Variants in NREP observed in about 807,000 individuals in gnomAD.
NREP encodes the protein neuronal regeneration-related protein.
A neutral mutation model predicts 8.6 loss-of-function variants in NREP; 5 were observed. The observed-to-expected ratio is 0.58, with a 90% CI of 0.30 to 1.22. The LOEUF is 1.22. Ranked by LOEUF, NREP falls within the 50% of genes most tolerant of loss-of-function variation. The pLI, the probability that NREP is intolerant of heterozygous loss-of-function variation, is 0.07. For synonymous variants in NREP, 27 were observed against 28.0 expected (o/e 0.96, Z 0.11); for missense variants, 86 against 82.5 (o/e 1.04, Z -0.17).
At chr5:111,864,499 T>C (rs1399179257) in intron 2 of NREP, among the ~76,000 whole-genome samples, 1 of 152,114 alleles carries the variant, frequency 6.6e-6, no homozygotes, top group Non-Finnish European at 1.5e-5. Flanking sequence ...TTTTTGTATA[T>C]AATGGAAAGA....
chr5:111,913,845 C>T (rs1754980339), intron 2 of NREP, among the ~76,000 whole-genome samples: 1 of 151,976 alleles, frequency 6.6e-6, no homozygotes, highest in Admixed American at 6.6e-5. Context: ...AGAATTCCAC[C>T]CTGAAATAAC....
chr5:111,975,373 T>A, exon 2 of NREP: 1 of 1,551,376 alleles, frequency 6.4e-7, no homozygotes. Flanking sequence ...CATCTTCTCT[T>A]CGGCTCTGCA....
chr5:111,926,621 C>T (rs540505384), intron 2 of NREP, among the ~76,000 whole-genome samples: 1 of 152,112 alleles, frequency 6.6e-6, no homozygotes, highest in African/African-American at 2.4e-5. Flanking sequence ...ACTTTTTCTT[C>T]AGAGTCTTGG....
intron 2 of NREP, among the ~76,000 whole-genome samples, chr5:111,888,812 T>C (rs1047865842): frequency 1.3e-5 from 2 of 152,208 alleles, no homozygotes; most frequent in African/African-American, 4.8e-5. Flanking sequence ...AAATGCTGGA[T>C]TAAACCCTCA....
At chr5:111,966,809 T>C (rs538503398) in intron 2 of NREP, among the ~76,000 whole-genome samples, 1 of 152,346 alleles carries the variant, frequency 6.6e-6, no homozygotes, top group African/African-American at 2.4e-5. Flanking sequence ...TCTTTCTCCA[T>C]TTTTCCAATC....
At chr5:111,742,819 G>A (rs559477067) in intron 2 of NREP, among the ~76,000 whole-genome samples, 2 of 152,070 alleles carry the variant, frequency 1.3e-5, no homozygotes, top group African/African-American at 4.8e-5. Flanking sequence ...TCCAATAAGA[G>A]CACATTTAGC....
chr5:111,801,951 T>C (rs995437128), intron 2 of NREP, among the ~76,000 whole-genome samples: 1 of 152,182 alleles, frequency 6.6e-6, no homozygotes, highest in African/African-American at 2.4e-5. Context: ...TGCATGGGAC[T>C]CTGCAAATGA....
intron 2 of NREP, among the ~76,000 whole-genome samples, chr5:111,869,892 A>G (rs1753750432): frequency 6.6e-6 from 1 of 152,194 alleles, no homozygotes; most frequent in Non-Finnish European, 1.5e-5. Flanking sequence ...TGATGAAGAA[A>G]TATGTATCTG....
intron 2 of NREP, among the ~76,000 whole-genome samples, chr5:111,968,490 G>T (rs1182034635): frequency 6.6e-6 from 1 of 152,160 alleles, no homozygotes; most frequent in East Asian, 1.9e-4. Flanking sequence ...AGCTTTCAAA[G>T]TTGCTTACTA....
intron 2 of NREP, among the ~76,000 whole-genome samples, chr5:111,831,662 C>T (rs191685223): frequency 6.6e-6 from 1 of 152,326 alleles, no homozygotes; most frequent in Non-Finnish European, 1.5e-5. Context: ...AAGGAATCAT[C>T]TTCTCTCAGC....
chr5:111,747,173 C>T (rs955262776), intron 2 of NREP, among the ~76,000 whole-genome samples: 1 of 152,106 alleles, frequency 6.6e-6, no homozygotes, highest in Non-Finnish European at 1.5e-5. Flanking sequence ...TTATAAGCAC[C>T]TTAGTCAATA....
intron 2 of NREP, among the ~76,000 whole-genome samples, chr5:111,872,887 G>A (rs1025680011): frequency 1.3e-5 from 2 of 152,120 alleles, no homozygotes; most frequent in Admixed American, 1.3e-4. Context: ...AAGAACATAA[G>A]AGTAGTACAT....
chr5:111,881,431 C>G (rs557739430), intron 2 of NREP, among the ~76,000 whole-genome samples: 13 of 152,176 alleles, frequency 8.5e-5, no homozygotes, highest in Admixed American at 2.0e-4. Context: ...CAGCAGTAAC[C>G]TCTGCAGACT....
chr5:111,822,468 A>G (rs572940935), intron 2 of NREP, among the ~76,000 whole-genome samples: 11 of 152,244 alleles, frequency 7.2e-5, no homozygotes, highest in East Asian at 1.9e-4. Context: ...CAGGCTATCA[A>G]TCGGGATTCC....
intron 2 of NREP, among the ~76,000 whole-genome samples, chr5:111,961,171 G>A (rs116898677): frequency 1.3e-5 from 2 of 152,304 alleles, no homozygotes; most frequent in East Asian, 3.9e-4. Context: ...AGGCCAGAAC[G>A]AAGGTTCCCT....
chr5:111,811,581 T>A (rs993340300), intron 2 of NREP, among the ~76,000 whole-genome samples: 2 of 152,180 alleles, frequency 1.3e-5, no homozygotes, highest in Admixed American at 1.3e-4. Flanking sequence ...CTGGGACATA[T>A]CAAAGCACAA....
chr5:111,929,446 A>C (rs372889039), intron 2 of NREP, among the ~76,000 whole-genome samples: 1 of 152,308 alleles, frequency 6.6e-6, no homozygotes, highest in South Asian at 2.1e-4. Context: ...ATACCAGCAA[A>C]CCACTTCTGC....
Position 111,755,795 on chromosome 5 carries a change from T to TTC in NREP, c.-25_-24dup. ...CATTTTGAGAATCTTAGTCTTGGGC[T>TTC]TCTATTCTCCCTCTCTTCAGTCCAG... On this transcript the variant is annotated 5_prime_UTR_variant, in exon 2 of 4. Transcript: ENST00000257435. 3 of 1,613,918 alleles carry TTC rather than the reference T, an allele frequency of 1.9e-6. No individual in the cohort carries two copies. The highest frequency in any genetic ancestry group is 1.7e-6 in the Non-Finnish European group (2 of 1,179,824).
intron 2 of NREP, among the ~76,000 whole-genome samples, chr5:111,797,396 A>G (rs1316268614): frequency 6.6e-6 from 1 of 152,228 alleles, no homozygotes; most frequent in African/African-American, 2.4e-5. Flanking sequence ...TAGTACATTT[A>G]GGTTTATGGC....
Sources: gnomAD v4.1 joint callset for allele counts (sites outside exome capture counted in the v4.1 genomes callset) on GRCh38, gnomAD v4.1.1 for gene constraint, MANE v1.5 for transcripts, NCBI Gene and HGNC (gene_info 2026-07-23, HGNC 2026-07-21) for gene names.